COMMD1: variants seen among roughly 807,000 people sequenced by gnomAD.
The protein encoded by COMMD1 is COMM domain-containing protein 1.
Under a neutral mutation model 17.2 loss-of-function variants are expected in COMMD1, and 10 were observed. The observed-to-expected ratio is 0.58, with a 90% CI of 0.36 to 0.99. The LOEUF (loss-of-function observed/expected upper bound fraction) is 0.99, where lower values mean the gene tolerates loss of function less well. Among genes scored for constraint, COMMD1 ranks in the 50% least tolerant of loss-of-function variants. The pLI, the probability that COMMD1 is intolerant of heterozygous loss-of-function variation, is 0.01. For missense variants in COMMD1, 270 were observed against 231.8 expected, an observed-to-expected ratio of 1.17 and a Z score of -1.07; for synonymous variants, 97 against 91.6, an observed-to-expected ratio of 1.06 and a Z score of -0.34.
At chr2:61,953,345 T>G (rs1037070096) in intron 1 of COMMD1, among the ~76,000 whole-genome samples, 3 of 151,374 alleles carry the variant, frequency 2.0e-5, no homozygotes, top group African/African-American at 7.3e-5. Context: ...TTTAGGATTA[T>G]TTATGTAAGT....
At chr2:61,999,284 T>G (rs542418572) in intron 1 of COMMD1, among the ~76,000 whole-genome samples, 3 of 152,234 alleles carry the variant, frequency 2.0e-5, no homozygotes, top group Non-Finnish European at 4.4e-5. Context: ...GAGCTTATAT[T>G]TAGTTACTGT....
intron 1 of COMMD1, among the ~76,000 whole-genome samples, chr2:61,908,809 C>T (rs992050724): frequency 2.1e-5 from 3 of 145,746 alleles, no homozygotes; most frequent in Non-Finnish European, 1.5e-5. Flanking sequence ...CCTCGTGAGC[C>T]ACCTGCCTCC....
At chr2:61,961,726 C>A (rs1671348646) in intron 1 of COMMD1, among the ~76,000 whole-genome samples, 1 of 151,344 alleles carries the variant, frequency 6.6e-6, no homozygotes, top group East Asian at 1.9e-4. Flanking sequence ...TCCTTTTTTT[C>A]TTTTCTTCAA....
intron 1 of COMMD1, among the ~76,000 whole-genome samples, chr2:61,907,488 G>A (rs780612407): frequency 1.8e-4 from 28 of 152,252 alleles, no homozygotes; most frequent in Admixed American, 7.2e-4. Context: ...GGTTTTTGAG[G>A]TGTTTGGTCT....
chr2:62,074,456 C>T (rs958090398), intron 2 of COMMD1, among the ~76,000 whole-genome samples: 1 of 152,160 alleles, frequency 6.6e-6, no homozygotes, highest in Non-Finnish European at 1.5e-5. Context: ...CCAGGGCCCA[C>T]CATGAATAAC....
At chr2:62,080,783 GA>G (rs1026979148) in intron 2 of COMMD1, among the ~76,000 whole-genome samples, 2 of 41,128 alleles carry the variant, frequency 4.9e-5, no homozygotes, top group African/African-American at 1.9e-4. Flanking sequence ...ATGATAGTTG[GA>G]ATTTTTTTTT....
upstream of COMMD1, chr2:61,888,554 C>G: frequency 2.5e-6 from 4 of 1,590,410 alleles, no homozygotes; most frequent in East Asian, 2.2e-5. Context: ...ACGGATGGAC[C>G]CGGATTCTGG....
chr2:61,904,158 C>T (rs994969815), upstream of COMMD1, among the ~76,000 whole-genome samples: 1 of 151,982 alleles, frequency 6.6e-6, no homozygotes. Flanking sequence ...CTACAGGCGC[C>T]CGCCACTAGG....
intron 1 of COMMD1, among the ~76,000 whole-genome samples, chr2:61,907,347 C>T (rs1669798530): frequency 1.3e-5 from 2 of 152,172 alleles, no homozygotes; most frequent in South Asian, 2.1e-4. Context: ...CTTCGTTATC[C>T]GCCTGCCTCG....
intron 2 of COMMD1, among the ~76,000 whole-genome samples, chr2:62,041,310 G>T (rs779528281): frequency 1.3e-5 from 2 of 149,412 alleles, no homozygotes; most frequent in African/African-American, 2.5e-5. Context: ...ACTACTTGTG[G>T]TTTTTTTTTC....
chr2:61,954,720 T>C (rs780963859), intron 1 of COMMD1, among the ~76,000 whole-genome samples: 1 of 152,164 alleles, frequency 6.6e-6, no homozygotes, highest in Non-Finnish European at 1.5e-5. Context: ...CTCGCTCTCT[T>C]GCCCAGGCTA....
intron 2 of COMMD1, among the ~76,000 whole-genome samples, chr2:62,040,774 G>C (rs1179437425): frequency 1.3e-5 from 2 of 151,876 alleles, no homozygotes; most frequent in Non-Finnish European, 2.9e-5. Flanking sequence ...GCAGTGGCGC[G>C]ATCTCGACTC....
chr2:61,997,840 C>G (rs745524407), intron 1 of COMMD1, among the ~76,000 whole-genome samples: 4 of 152,182 alleles, frequency 2.6e-5, no homozygotes, highest in Admixed American at 6.5e-5. Flanking sequence ...TGTGAAAGTC[C>G]TATTTTATGA....
intron 1 of COMMD1, among the ~76,000 whole-genome samples, chr2:61,896,079 G>A (rs1373430529): frequency 6.6e-6 from 1 of 152,180 alleles, no homozygotes; most frequent in Admixed American, 6.6e-5. Flanking sequence ...AGAGGTGTTT[G>A]TTGCTTTAAA....
chr2:61,938,116 G>A (rs148744317), intron 1 of COMMD1, among the ~76,000 whole-genome samples: 2 of 152,194 alleles, frequency 1.3e-5, no homozygotes, highest in Non-Finnish European at 2.9e-5. Context: ...TAGAATGTCG[G>A]GTGATGGTTC....
chr2:62,027,945 G>A (rs1669810599), intron 2 of COMMD1, among the ~76,000 whole-genome samples: 1 of 152,086 alleles, frequency 6.6e-6, no homozygotes, highest in Admixed American at 6.6e-5. Flanking sequence ...AAGCCACCGT[G>A]CCTGGCCTTC....
At chr2:61,938,115 G>A (rs554597326) in intron 1 of COMMD1, among the ~76,000 whole-genome samples, 2 of 152,142 alleles carry the variant, frequency 1.3e-5, no homozygotes, top group South Asian at 2.1e-4. Flanking sequence ...CTAGAATGTC[G>A]GGTGATGGTT....
At chr2:61,912,774 T>C (rs1159594357) in intron 1 of COMMD1, among the ~76,000 whole-genome samples, 6 of 151,744 alleles carry the variant, frequency 4.0e-5, no homozygotes, top group Admixed American at 3.9e-4. Flanking sequence ...CATGACTACA[T>C]GCTCATTTAC....
intron 2 of COMMD1, among the ~76,000 whole-genome samples, chr2:62,097,108 G>C (rs1672034333): frequency 6.6e-6 from 1 of 152,120 alleles, no homozygotes; most frequent in Non-Finnish European, 1.5e-5. Flanking sequence ...TAGGAATATT[G>C]GACAGTAAGG....
Sources: allele counts gnomAD v4.1 joint callset (sites outside exome capture counted in the v4.1 genomes callset), GRCh38; gene constraint gnomAD v4.1.1; transcripts MANE v1.5; gene names NCBI Gene and HGNC (gene_info 2026-07-23, HGNC 2026-07-21).